Variants in PLA2G6 observed in about 807,000 individuals in gnomAD.
PLA2G6 encodes phospholipase A2 group VI.
A neutral mutation model predicts 83.8 loss-of-function variants in PLA2G6; 62 were observed. That is an observed-to-expected ratio of 0.74 (90% CI 0.60 to 0.91). PLA2G6 has a LOEUF of 0.91. PLA2G6 is among the 40% of genes least tolerant of loss of function. PLA2G6 has a pLI of 0.00. For synonymous variants in PLA2G6, 417 were observed against 449.8 expected, an observed-to-expected ratio of 0.93 and a Z score of 0.92; for missense variants, 944 against 1,102.0, an observed-to-expected ratio of 0.86 and a Z score of 2.03.
intron 4 of PLA2G6, chr22:38,140,949 T>C (rs958085712): frequency 5.9e-5 from 9 of 152,286 alleles, no homozygotes; most frequent in African/African-American, 1.9e-4. Context: ...TCCCAGCACT[T>C]TGGGAGGCCG....
At chr22:38,171,172 CA>C (rs35530438) in intron 1 of PLA2G6, among the ~76,000 whole-genome samples, 1,611 of 105,030 alleles carry the variant, frequency 0.015, 25 homozygotes, top group African/African-American at 0.047. Flanking sequence ...AACTCCGTCT[CA>C]AAAAAAAAAA....
At chr22:38,148,261 T>C in intron 2 of PLA2G6, 1 of 469,068 alleles carries the variant, frequency 2.1e-6, no homozygotes, top group East Asian at 4.3e-5. Flanking sequence ...TGAGGAGTTT[T>C]GCTGTGGTGA....
chr22:38,148,675 A>G, intron 2 of PLA2G6: 1 of 656,014 alleles, frequency 1.5e-6, no homozygotes, highest in South Asian at 1.7e-5. Flanking sequence ...TTAGGGTCCT[A>G]AAGAACTACG....
At chr22:38,131,394 ATT>A in intron 7 of PLA2G6, 1 of 152,160 alleles carries the variant, frequency 6.6e-6, no homozygotes, top group South Asian at 2.1e-4. Context: ...TATATTTATT[ATT>A]GTTATTTTTA....
intron 10 of PLA2G6, among the ~76,000 whole-genome samples, chr22:38,125,114 A>ATGTACATGCATGTG (rs2087759954): frequency 6.6e-6 from 1 of 152,086 alleles, no homozygotes; most frequent in Non-Finnish European, 1.5e-5. Flanking sequence ...AGGTGTGTGT[A>ATGTACATGCATGTG]TGTACATGCA....
At position 38,122,225 on chromosome 22, in the gene PLA2G6, C is replaced by A. The variant is rs924403083; in HGVS notation, c.1591+870G>T. ...CCTAGGGTGGGGAGTCCTCCCCGGG[C>A]ACCTCCAAGACTTTGCATGACCAGG... On this transcript the variant is annotated intron_variant, in intron 11 of 16. Coordinates refer to ENST00000332509, the MANE Select transcript of PLA2G6 (RefSeq NM_003560.4). 1.5e-4 allele frequency among the ~76,000 whole-genome samples: 23 copies of A among 152,116 alleles called. 1 individual carries two copies. The highest frequency in any genetic ancestry group is 1.4e-3 in the Admixed American group (21 of 15,280).
At chr22:38,139,447 A>ATTTATTTATTTATTTATTTATTTT (rs1462918288) in intron 5 of PLA2G6, 1 of 149,114 alleles carries the variant, frequency 6.7e-6, no homozygotes, top group South Asian at 2.1e-4. Context: ...TTATTTATTT[A>ATTTATTTATTTATTTATTTATTTT]TTTTTTGAGA....
intron 9 of PLA2G6, chr22:38,127,396 C>G: frequency 7.6e-7 from 1 of 1,317,422 alleles, no homozygotes; most frequent in Non-Finnish European, 1.0e-6. Context: ...TCTCCAGGCC[C>G]AGGGCGTTAC....
chr22:38,116,377 C>T (rs758131021), intron 12 of PLA2G6, 166 bp from the exon 13 acceptor site: 94 of 801,452 alleles, frequency 1.2e-4, no homozygotes, highest in South Asian at 2.2e-4. Flanking sequence ...AGGCTCTCTC[C>T]GGCAGTGCTG....
chr22:38,132,736 G>A lies in PLA2G6; in HGVS notation c.1077+95C>T, dbSNP rs2088294182. The A allele has an allele frequency of 7.0e-5, 77 of 1,100,104 alleles. No homozygotes were observed. In the South Asian group the frequency reaches 1.1e-3, roughly 15 times the overall value. 68.1% of individuals were successfully genotyped at this position (1,100,104 alleles called of 1,614,324 possible). ...AGATGATTTGGAGCAGCTGACGATA[G>A]GAGGGAGACAGTGGGGAGGAGGGCT... On this transcript the variant is annotated intron_variant, in intron 7 of 16. Coordinates refer to ENST00000332509, the MANE Select transcript of PLA2G6 (RefSeq NM_003560.4). This position sits in a 1 kb window ranked among gnomAD's most constrained non-coding sequence, Gnocchi z 5.0.
At position 38,116,160 on chromosome 22, in the gene PLA2G6, G is replaced by A; in HGVS notation, c.1794C>T (p.Leu598=). 1.2e-6 allele frequency: 2 copies of A among 1,613,898 alleles called. No individual in the cohort carries two copies. The highest frequency in any genetic ancestry group is 1.7e-6 in the Non-Finnish European group (2 of 1,179,856). The change falls in exon 13 of 17, where the codon CTC becomes CTT. Residue 598 remains leucine, a synonymous_variant. Coordinates refer to ENST00000332509, the MANE Select transcript of PLA2G6 (RefSeq NM_003560.4). ...TTTCTGGAGCATCGTAGTTCCGGAA[G>A]AGGTGGAGTTCAGCCGGCTGCCGGT... ...LSDRQPAELH[L]FRNYDAPETV...
rs2145682922 is a variant in PLA2G6, at chr22:38,115,640, G to C, written c.1921C>G (p.Pro641Ala). Residue 641 changes from proline to alanine, a missense_variant, in exon 14 of 17, where the codon CCT becomes GCT. By Grantham distance (27) the Pro-to-Ala change is conservative. Transcript: ENST00000332509. Reference protein sequence around the residue: ...WRAARSSGAAPTYFRPNGRFL... With the variant: ...WRAARSSGAAATYFRPNGRFL... Reference sequence around the variant, plus strand: ...CGCCCATTGGGTCGGAAGTAAGTAGGAGCTGCCCCGCTGCTTCGGGCCGCC... The same window carrying C: ...CGCCCATTGGGTCGGAAGTAAGTAGCAGCTGCCCCGCTGCTTCGGGCCGCC... 6.3e-7 allele frequency: 1 copy of C among 1,595,826 alleles called. No homozygotes were observed. Among genetic ancestry groups the C allele is most frequent in the Non-Finnish European group, 8.5e-7 (1 of 1,172,198 alleles).
Position 38,132,787 on chromosome 22 carries a change from C to A in PLA2G6, c.1077+44G>T. The A allele has an allele frequency of 6.6e-7, 1 of 1,515,770 alleles. No individual in the cohort carries two copies. The allele number at this position is 1,515,770 out of a possible 1,614,324, so 93.9% of individuals were successfully genotyped here. A position where few individuals can be genotyped will look rare whatever the true frequency, so the allele number is the denominator to read the frequency against. On this transcript the variant is annotated intron_variant, in intron 7 of 16. Coordinates refer to ENST00000332509, the MANE Select transcript of PLA2G6 (RefSeq NM_003560.4). This position sits in a 1 kb window ranked among gnomAD's most constrained non-coding sequence, Gnocchi z 5.0. The stretch of plus-strand genomic sequence containing the variant: ...CCAGTCCGGACAGCCCTCCTGCATT[C>A]CCACCGGGGCCCCACAGGGCAGGAC...
At position 38,123,338 on chromosome 22, in the gene PLA2G6, C is replaced by T; in HGVS notation, c.1428-80G>A. ...TACATCCACCCTCATAGCCCTTGTCCCCTGCAGCTGTGTCCTGGCAGACAG... is the reference window on the plus strand; with the variant it reads ...TACATCCACCCTCATAGCCCTTGTCTCCTGCAGCTGTGTCCTGGCAGACAG... On this transcript the variant is annotated intron_variant, in intron 10 of 16. Transcript: ENST00000332509. This position sits in a 1 kb window ranked among gnomAD's most constrained non-coding sequence, Gnocchi z 4.1. 1 of 1,434,344 alleles carries T rather than the reference C, an allele frequency of 7.0e-7. No homozygotes were observed. The highest frequency in any genetic ancestry group is 9.6e-7 in the Non-Finnish European group (1 of 1,045,530). The allele number at this position is 1,434,344 out of a possible 1,614,324, so 88.9% of individuals were successfully genotyped here.
intron 1 of PLA2G6, among the ~76,000 whole-genome samples, chr22:38,171,385 A>T (rs35526737): frequency 0.16 from 24,187 of 152,060 alleles, 2,583 homozygotes; most frequent in Admixed American, 0.26. Flanking sequence ...GTTTTGAAAC[A>T]GGGTCTGGCT....
intron 2 of PLA2G6, chr22:38,167,802 CA>C (rs2090278321): frequency 6.2e-6 from 1 of 160,234 alleles, no homozygotes; most frequent in Non-Finnish European, 1.5e-5. Flanking sequence ...CTGTTGGTGG[CA>C]GCCCCTGGCC....
intron 1 of PLA2G6, among the ~76,000 whole-genome samples, chr22:38,170,935 CCGACT>C: frequency 6.6e-6 from 1 of 152,270 alleles, no homozygotes; most frequent in Non-Finnish European, 1.5e-5. Flanking sequence ...CTTTGGGAGG[CCGACT>C]CGGGCGGATC....
rs587784330 is a variant in PLA2G6, at chr22:38,123,244, A to T, written c.1442T>A (p.Leu481Gln). 2 of 1,559,752 alleles carry T rather than the reference A, an allele frequency of 1.3e-6. No individual in the cohort carries two copies. The highest frequency in any genetic ancestry group is 3.8e-5 in the Admixed American group (2 of 52,040). The change falls in exon 11 of 17, where the codon CTG becomes CAG. Residue 481 changes from leucine (L) to glutamine (Q), a missense_variant. Leu to Gln is a moderately radical substitution (Grantham distance 113). Transcript: ENST00000332509. This position sits in a 1 kb window ranked among gnomAD's most constrained non-coding sequence, Gnocchi z 4.1. ...TTTCACTCCTCCTCCATCCAGGCAC[A>T]GCAGGTGGTCGTGGCTGCAGTGGGA... The part of the protein sequence containing the change: ...RDEKRTHDHL[L>Q]CLDGGGVKGL...
chr22:38,143,353 A>G, intron 3 of PLA2G6, 65 bp from the exon 4 acceptor site: 2 of 1,491,126 alleles, frequency 1.3e-6, no homozygotes, highest in Admixed American at 3.3e-5. Context: ...GGGGGACCTA[A>G]GTGCACATGC....
Sources: allele counts gnomAD v4.1 joint callset (sites outside exome capture counted in the v4.1 genomes callset), GRCh38; gene constraint gnomAD v4.1.1; non-coding constraint Gnocchi (gnomAD v3.1); transcripts MANE v1.5; gene names NCBI Gene and HGNC (gene_info 2026-07-23, HGNC 2026-07-21).